The following SIPA1L3 variants were observed in gnomAD, a reference collection of about 807,000 sequenced individuals.
SIPA1L3 encodes the protein signal induced proliferation associated 1 like 3.
A neutral mutation model predicts 150.1 loss-of-function variants in SIPA1L3; 59 were observed. That is an observed-to-expected ratio of 0.39 (90% CI 0.32 to 0.49). SIPA1L3 has a LOEUF of 0.49. Ranked by LOEUF, SIPA1L3 falls within the 20% of genes least tolerant of loss-of-function variation. The pLI is 0.86. For synonymous variants in SIPA1L3, 1,070 were observed against 1,077.6 expected (o/e 0.99, Z 0.14); for missense variants, 2,211 against 2,489.5 (o/e 0.89, Z 2.38).
chr19:38,082,624 C>G lies in SIPA1L3; in HGVS notation c.1059C>G (p.Asn353Lys). 1 of 1,605,022 alleles carries G rather than the reference C, an allele frequency of 6.2e-7. No homozygotes were observed. The highest frequency in any genetic ancestry group is 8.5e-7 in the Non-Finnish European group (1 of 1,179,756). Residue 353 changes from asparagine to lysine, a missense_variant, in exon 3 of 22, where the codon AAC (asparagine) becomes AAG (lysine). Around this residue, in one of 5 missense-constraint regions of SIPA1L3, gnomAD observed 587 missense variants for 534.5 expected, o/e 1.10. Coordinates refer to ENST00000222345, the MANE Select transcript of SIPA1L3 (RefSeq NM_015073.3). Reference sequence around the variant, plus strand: ...TGCAGAGCATGCTGTTCGACCTCAACGAGGCGGCCGCCAACAGGGTGTCGG... The same window carrying G: ...TGCAGAGCATGCTGTTCGACCTCAAGGAGGCGGCCGCCAACAGGGTGTCGG... Reference protein sequence around the residue: ...FDVQSMLFDLNEAAANRVSVS... With the variant: ...FDVQSMLFDLKEAAANRVSVS...
chr19:38,015,680 G>A (rs1423577953), intron 1 of SIPA1L3, among the ~76,000 whole-genome samples: 1 of 140,938 alleles, frequency 7.1e-6, no homozygotes, highest in Non-Finnish European at 1.5e-5. Flanking sequence ...GCTGTGATCA[G>A]GTCACAGCTC....
At chr19:38,113,674 C>A (rs1414316251) in intron 8 of SIPA1L3, among the ~76,000 whole-genome samples, 1 of 152,152 alleles carries the variant, frequency 6.6e-6, no homozygotes, top group Admixed American at 6.6e-5. Context: ...GACAGTAACC[C>A]CATTTCATGT....
intron 1 of SIPA1L3, among the ~76,000 whole-genome samples, chr19:37,926,325 C>A (rs1274857141): frequency 6.6e-6 from 1 of 152,124 alleles, no homozygotes; most frequent in Admixed American, 6.6e-5. Context: ...GCTATTAAGC[C>A]CAGCAAGAGG....
chr19:37,995,384 G>A (rs1967612078), intron 1 of SIPA1L3, among the ~76,000 whole-genome samples: 1 of 152,208 alleles, frequency 6.6e-6, no homozygotes, highest in Non-Finnish European at 1.5e-5. Context: ...ATCTCATACA[G>A]CGTGGAGGGA....
intron 1 of SIPA1L3, among the ~76,000 whole-genome samples, chr19:37,936,792 T>C (rs1269706696): frequency 2.0e-5 from 3 of 152,198 alleles, no homozygotes; most frequent in Admixed American, 6.5e-5. Context: ...CTTTGGTTAA[T>C]TACAGGAAAC....
intron 13 of SIPA1L3, among the ~76,000 whole-genome samples, chr19:38,155,757 G>A (rs1322643412): frequency 6.6e-6 from 1 of 152,124 alleles, no homozygotes; most frequent in East Asian, 1.9e-4. Context: ...CCCAAGATTC[G>A]TGGCCTGGAG....
intron 8 of SIPA1L3, among the ~76,000 whole-genome samples, chr19:38,112,962 C>G (rs1426522539): frequency 6.6e-6 from 1 of 152,198 alleles, no homozygotes; most frequent in Non-Finnish European, 1.5e-5. Flanking sequence ...AATCCCAGCA[C>G]TTTGGGAGGC....
intron 12 of SIPA1L3, among the ~76,000 whole-genome samples, chr19:38,150,898 A>T (rs1971806425): frequency 6.6e-6 from 1 of 152,182 alleles, no homozygotes; most frequent in South Asian, 2.1e-4. Context: ...GGCCTGTGTC[A>T]GTGAGGTGCT....
rs56146390 is a variant in SIPA1L3 at position 38,136,183 on chromosome 19, CAAAAAAA to C, written c.3144-4984_3144-4978del. On this transcript the variant is annotated intron_variant, in intron 10 of 21. Transcript: ENST00000222345. ...CCTGGGCAAGAGAGTGAGACTGTCT[CAAAAAAA>C]AAAAAAAAAAAAAAAAGAAGAATGC... Among the ~76,000 whole-genome samples the C allele has an allele frequency of 2.3e-4, 10 of 44,118 alleles. 1 individual carries two copies. Among genetic ancestry groups the C allele is most frequent in the South Asian group, 1.2e-3 (1 of 854 alleles). The allele number at this position is 44,118 out of a possible 152,430, so 28.9% of individuals were successfully genotyped here.
chr19:37,951,339 T>G (rs1452360985), intron 1 of SIPA1L3, among the ~76,000 whole-genome samples: 1 of 152,212 alleles, frequency 6.6e-6, no homozygotes, highest in Admixed American at 6.5e-5. Context: ...GACTACAATG[T>G]TTATCTTCAG....
At chr19:38,146,614 A>G (rs1971708348) in intron 12 of SIPA1L3, among the ~76,000 whole-genome samples, 2 of 152,072 alleles carry the variant, frequency 1.3e-5, no homozygotes, top group African/African-American at 4.8e-5. Context: ...TGGTAAGTCC[A>G]TTTTTAGTTT....
intron 7 of SIPA1L3, among the ~76,000 whole-genome samples, chr19:38,108,139 C>G (rs1157254935): frequency 6.6e-6 from 1 of 152,026 alleles, no homozygotes; most frequent in Non-Finnish European, 1.5e-5. Context: ...ATCGTAGTGC[C>G]CCTGAATCAG....
At chr19:38,128,017 T>C (rs1971215949) in intron 9 of SIPA1L3, among the ~76,000 whole-genome samples, 1 of 147,314 alleles carries the variant, frequency 6.8e-6, no homozygotes, top group Non-Finnish European at 1.5e-5. Context: ...GCTGTCATGG[T>C]GGAAGAGGTG....
intron 15 of SIPA1L3, among the ~76,000 whole-genome samples, chr19:38,169,754 G>A (rs1005125051): frequency 2.0e-5 from 3 of 152,230 alleles, no homozygotes; most frequent in Admixed American, 6.5e-5. Flanking sequence ...AGCGGTGACT[G>A]GGGGAGCCCC....
intron 1 of SIPA1L3, among the ~76,000 whole-genome samples, chr19:37,979,220 A>G (rs1272087825): frequency 3.9e-5 from 6 of 152,018 alleles, no homozygotes; most frequent in African/African-American, 1.5e-4. Context: ...GTTAAAAAAA[A>G]GTTAACACTA....
At chr19:38,110,465 C>A (rs569841938) in intron 8 of SIPA1L3, 81 bp downstream of exon 8, 15 of 1,150,146 alleles carry the variant, frequency 1.3e-5, no homozygotes, top group Middle Eastern at 2.0e-4. Flanking sequence ...AGTACAGGGC[C>A]CCCCCACACC....
chr19:38,142,617 G>T lies in SIPA1L3; in HGVS notation c.3440G>T (p.Gly1147Val). ...ACCCCTTACACAGTATCACCAGCAG[G>T]GGCCGACAGAGTCCCTCCCTACCGA... ...PETPYTVSPA[G>V]ADRVPPYRQP... is the part of the protein sequence containing the mutation. The change falls in exon 12 of 22, where the codon GGG becomes GTG. Residue 1147 changes from glycine to valine, a missense_variant. By Grantham distance (109) the Gly-to-Val change is moderately radical. Transcript: ENST00000222345. The T allele has an allele frequency of 6.2e-7, 1 of 1,613,940 alleles. No homozygotes were observed. Among genetic ancestry groups the T allele is most frequent in the East Asian group, 2.2e-5 (1 of 44,876 alleles).
chr19:38,079,305 C>T (rs1969924591), intron 2 of SIPA1L3, among the ~76,000 whole-genome samples: 1 of 152,220 alleles, frequency 6.6e-6, no homozygotes, highest in African/African-American at 2.4e-5. Context: ...TGTACTCCAG[C>T]CTGGGCAACA....
chr19:38,031,226 T>A (rs1286818416), intron 2 of SIPA1L3, among the ~76,000 whole-genome samples: 2 of 152,212 alleles, frequency 1.3e-5, no homozygotes, highest in Non-Finnish European at 2.9e-5. Flanking sequence ...CATGTTACCA[T>A]CTTATACAAC....
Sources: gnomAD v4.1 joint callset for allele counts (sites outside exome capture counted in the v4.1 genomes callset) on GRCh38, gnomAD v4.1.1 for gene constraint, gnomAD v4.1.1 regional missense constraint, MANE v1.5 for transcripts, NCBI Gene and HGNC (gene_info 2026-07-23, HGNC 2026-07-21) for gene names.